Variants in SEMA5A observed in about 807,000 individuals in gnomAD.
The protein encoded by SEMA5A is semaphorin-5A.
SEMA5A carries 55 observed loss-of-function variants against 135.5 expected under a neutral mutation model. That is an observed-to-expected ratio of 0.41 (90% CI 0.33 to 0.51). SEMA5A has a LOEUF of 0.51. SEMA5A is among the 20% of genes least tolerant of loss of function. The pLI is 0.37. For synonymous variants in SEMA5A, 580 were observed against 546.5 expected (o/e 1.06, Z -0.85); for missense variants, 1,290 against 1,419.9 (o/e 0.91, Z 1.47).
intron 16 of SEMA5A, among the ~76,000 whole-genome samples, chr5:9,069,620 G>T (rs1016645511): frequency 1.3e-5 from 2 of 152,030 alleles, no homozygotes; most frequent in Non-Finnish European, 2.9e-5. Flanking sequence ...ATAACACTCA[G>T]GATTTTTGTG....
chr5:9,466,207 C>T (rs1370700995), intron 1 of SEMA5A, among the ~76,000 whole-genome samples: 6 of 150,046 alleles, frequency 4.0e-5, no homozygotes, highest in Non-Finnish European at 8.9e-5. Context: ...CCAGGCACAC[C>T]GGGGACTGTT....
chr5:9,350,462 G>GTC (rs1754064785), intron 3 of SEMA5A, among the ~76,000 whole-genome samples: 1 of 152,190 alleles, frequency 6.6e-6, no homozygotes. Flanking sequence ...TGATAGGAGT[G>GTC]TCTCTCTCTC....
At chr5:9,341,646 T>C (rs1034383385) in intron 3 of SEMA5A, among the ~76,000 whole-genome samples, 30 of 117,666 alleles carry the variant, frequency 2.5e-4, no homozygotes, top group African/African-American at 7.0e-4. Flanking sequence ...CCAATATGAC[T>C]ATATATATAT....
chr5:9,106,956 G>A (rs1056184337), intron 16 of SEMA5A, among the ~76,000 whole-genome samples: 4 of 152,134 alleles, frequency 2.6e-5, no homozygotes, highest in Admixed American at 6.5e-5. Flanking sequence ...TGGGTCTGGT[G>A]TAATATCTGA....
intron 21 of SEMA5A, among the ~76,000 whole-genome samples, chr5:9,045,547 G>A (rs1736204566): frequency 6.6e-6 from 1 of 152,124 alleles, no homozygotes; most frequent in African/African-American, 2.4e-5. Flanking sequence ...ACTATTATAA[G>A]CACTTTCTCC....
intron 13 of SEMA5A, among the ~76,000 whole-genome samples, chr5:9,129,575 T>C (rs184720034): frequency 9.3e-4 from 141 of 152,376 alleles, no homozygotes; most frequent in Non-Finnish European, 1.6e-3. Flanking sequence ...CTTTTTCATA[T>C]GAATAGGTAT....
intron 10 of SEMA5A, among the ~76,000 whole-genome samples, chr5:9,195,682 T>A (rs1745350966): frequency 6.6e-6 from 1 of 152,262 alleles, no homozygotes; most frequent in South Asian, 2.1e-4. Flanking sequence ...AGATGACATG[T>A]AAGCCAGCCA....
At chr5:9,344,550 C>T (rs895792282) in intron 3 of SEMA5A, among the ~76,000 whole-genome samples, 1 of 152,088 alleles carries the variant, frequency 6.6e-6, no homozygotes, top group Non-Finnish European at 1.5e-5. Flanking sequence ...CTGAGCAGGA[C>T]ATAAGTGAAG....
chr5:9,371,567 C>T (rs1755137206), intron 3 of SEMA5A, among the ~76,000 whole-genome samples: 1 of 152,128 alleles, frequency 6.6e-6, no homozygotes, highest in Non-Finnish European at 1.5e-5. Flanking sequence ...ATTTTAAAAT[C>T]AGAAATGTAT....
intron 1 of SEMA5A, chr5:9,498,281 T>C (rs2126814005): frequency 6.6e-6 from 1 of 152,294 alleles, no homozygotes; most frequent in Admixed American, 6.5e-5. Flanking sequence ...ACCACATTTA[T>C]GATAATATAT....
chr5:9,270,436 A>G (rs1749911690), intron 5 of SEMA5A, among the ~76,000 whole-genome samples: 1 of 152,110 alleles, frequency 6.6e-6, no homozygotes, highest in African/African-American at 2.4e-5. Context: ...TAGCATTACA[A>G]ATCTATATGG....
At chr5:9,069,305 G>A (rs1737646200) in intron 16 of SEMA5A, among the ~76,000 whole-genome samples, 1 of 152,208 alleles carries the variant, frequency 6.6e-6, no homozygotes, top group Non-Finnish European at 1.5e-5. Flanking sequence ...GGGAAGCATT[G>A]TCTTCCACAT....
intron 2 of SEMA5A, among the ~76,000 whole-genome samples, chr5:9,395,704 G>A (rs972742047): frequency 2.6e-5 from 4 of 152,266 alleles, no homozygotes; most frequent in African/African-American, 7.2e-5. Context: ...CTGTTAATTC[G>A]TTATAGGCAA....
At chr5:9,455,036 A>C (rs1041084196) in intron 1 of SEMA5A, among the ~76,000 whole-genome samples, 27 of 152,182 alleles carry the variant, frequency 1.8e-4, no homozygotes, top group African/African-American at 6.5e-4. Context: ...TGGATTCATG[A>C]AGAAAATCAG....
chr5:9,545,450 G>C lies in SEMA5A; in HGVS notation c.-175+134C>G, dbSNP rs901522508. ...ACCCCCGCCCAGGTGCCTGCTGATG[G>C]ATCCCACCCGAGATCGGCACCACCC... On this transcript the variant is annotated intron_variant, in intron 1 of 22. Coordinates refer to ENST00000382496, the MANE Select transcript of SEMA5A (RefSeq NM_003966.3). This position sits in a 1 kb window ranked among gnomAD's most constrained non-coding sequence, Gnocchi z 4.5. 1 of 152,324 alleles carries C rather than the reference G, an allele frequency of 6.6e-6. No individual in the cohort carries two copies. The highest frequency in any genetic ancestry group is 2.4e-5 in the African/African-American group (1 of 41,448). The allele number at this position is 152,324 out of a possible 1,614,324, so 9.4% of individuals were successfully genotyped here.
chr5:9,374,992 C>T (rs1380348882), intron 3 of SEMA5A, among the ~76,000 whole-genome samples: 2 of 152,170 alleles, frequency 1.3e-5, no homozygotes, highest in African/African-American at 2.4e-5. Flanking sequence ...TCCTTCACCT[C>T]ATTCCTTCCC....
chr5:9,150,740 T>C (rs1041138778), intron 12 of SEMA5A, among the ~76,000 whole-genome samples: 2 of 151,700 alleles, frequency 1.3e-5, no homozygotes, highest in Admixed American at 1.3e-4. Flanking sequence ...AAAAACAGAG[T>C]ATAAAACCTC....
intron 3 of SEMA5A, among the ~76,000 whole-genome samples, chr5:9,359,512 A>G (rs144881486): frequency 7.9e-5 from 12 of 152,340 alleles, no homozygotes; most frequent in African/African-American, 2.9e-4. Flanking sequence ...ATTTCCTAGC[A>G]TAACCAGACT....
At chr5:9,218,325 G>A (rs1579638146) in intron 8 of SEMA5A, among the ~76,000 whole-genome samples, 1 of 152,310 alleles carries the variant, frequency 6.6e-6, no homozygotes, top group East Asian at 1.9e-4. Context: ...AAATGTCACT[G>A]AAGGTATGGC....
Sources: allele counts gnomAD v4.1 joint callset (sites outside exome capture counted in the v4.1 genomes callset), GRCh38; gene constraint gnomAD v4.1.1; non-coding constraint Gnocchi (gnomAD v3.1); transcripts MANE v1.5; gene names NCBI Gene and HGNC (gene_info 2026-07-23, HGNC 2026-07-21).